LEPR: variants seen among roughly 807,000 people sequenced by gnomAD.
The protein encoded by LEPR is leptin receptor.
A neutral mutation model predicts 114.7 loss-of-function variants in LEPR; 56 were observed. The ratio of observed to expected loss-of-function variants is 0.49; its 90% CI spans 0.39 to 0.61. The LOEUF (loss-of-function observed/expected upper bound fraction) is 0.61, where lower values mean the gene tolerates loss of function less well. Ranked by LOEUF, LEPR falls within the 20% of genes least tolerant of loss-of-function variation. The pLI is 0.00. For synonymous variants in LEPR, 443 were observed against 461.4 expected (o/e 0.96, Z 0.51); for missense variants, 1,202 against 1,352.9 (o/e 0.89, Z 1.75).
intron 2 of LEPR, among the ~76,000 whole-genome samples, chr1:65,522,610 C>A (rs1649689944): frequency 6.6e-6 from 1 of 152,152 alleles, no homozygotes; most frequent in South Asian, 2.1e-4. Flanking sequence ...AGTGGCGTAT[C>A]AATATTCTCA....
intron 19 of LEPR, among the ~76,000 whole-genome samples, chr1:65,624,871 C>T (rs1324183857): frequency 1.3e-5 from 2 of 151,972 alleles, no homozygotes; most frequent in Non-Finnish European, 2.9e-5. Context: ...GAAAGAATGC[C>T]CTGTCTTCAG....
At chr1:65,447,384 G>C (rs533349166) in intron 2 of LEPR, among the ~76,000 whole-genome samples, 1 of 151,948 alleles carries the variant, frequency 6.6e-6, no homozygotes, top group Admixed American at 6.6e-5. Context: ...AACAGGGACT[G>C]TCTCTCCATT....
rs184293420 is a variant in LEPR, at chr1:65,627,800, A to G, written c.2673+4819A>G. Among the ~76,000 whole-genome samples the G allele has an allele frequency of 1.4e-3, 219 of 152,322 alleles. 1 individual carries two copies. The highest frequency in any genetic ancestry group is 4.8e-3 in the African/African-American group (201 of 41,588). On this transcript the variant is annotated intron_variant, in intron 19 of 19. Transcript: ENST00000349533. ...GCCTATTGTTTTTAAAAATAATTCA[A>G]ATACAAATATAGTATTTTTTAAAGG...
At chr1:65,564,128 A>G (rs1217749776) in intron 2 of LEPR, among the ~76,000 whole-genome samples, 12 of 146,250 alleles carry the variant, frequency 8.2e-5, no homozygotes, top group African/African-American at 3.0e-4. Flanking sequence ...AAGCCTGGGC[A>G]ATGGTGGGCG....
chr1:65,518,754 T>A (rs1321956009), intron 2 of LEPR, among the ~76,000 whole-genome samples: 4 of 152,206 alleles, frequency 2.6e-5, no homozygotes, highest in Non-Finnish European at 4.4e-5. Flanking sequence ...TTTCTATCAC[T>A]ATGTAACAAG....
intron 16 of LEPR, among the ~76,000 whole-genome samples, chr1:65,619,558 G>T (rs1291451948): frequency 6.6e-6 from 1 of 152,080 alleles, no homozygotes; most frequent in Non-Finnish European, 1.5e-5. Context: ...AAGGAGTATT[G>T]CCCACTTTGG....
chr1:65,525,534 G>C, intron 2 of LEPR: 1 of 750,136 alleles, frequency 1.3e-6, no homozygotes, highest in Non-Finnish European at 1.6e-6. Flanking sequence ...GCTCGAGTCC[G>C]CTCCTCCCGC....
At position 65,420,702 on chromosome 1, in the gene LEPR, G is replaced by A. The variant is rs769934654; in HGVS notation, c.-135G>A. The A allele has an allele frequency of 5.1e-6, 8 of 1,577,744 alleles. No individual in the cohort carries two copies. Among genetic ancestry groups the A allele is most frequent in the Non-Finnish European group, 6.9e-6 (8 of 1,164,064 alleles). On this transcript the variant is annotated 5_prime_UTR_variant, in exon 1 of 20. Transcript: ENST00000349533. The stretch of plus-strand genomic sequence containing the variant: ...GGGCCGTGGCAGGAAGCCGGAAGCA[G>A]CCGCGGCCCCAGTTCGGGAGACATG...
At chr1:65,492,444 T>C (rs1647922847) in intron 2 of LEPR, among the ~76,000 whole-genome samples, 2 of 152,114 alleles carry the variant, frequency 1.3e-5, no homozygotes, top group African/African-American at 4.8e-5. Context: ...TATTAGTAGG[T>C]GGGAATAACA....
intron 2 of LEPR, among the ~76,000 whole-genome samples, chr1:65,486,728 G>T (rs1647504505): frequency 6.6e-6 from 1 of 152,146 alleles, no homozygotes; most frequent in African/African-American, 2.4e-5. Flanking sequence ...ACTAGTTAAA[G>T]CCTCATGGAG....
At chr1:65,541,425 T>G (rs1651185436) in intron 2 of LEPR, among the ~76,000 whole-genome samples, 1 of 152,166 alleles carries the variant, frequency 6.6e-6, no homozygotes, top group Non-Finnish European at 1.5e-5. Context: ...AATTAATATG[T>G]GACAAGTTCA....
At chr1:65,521,133 T>C (rs1363822910) in intron 2 of LEPR, among the ~76,000 whole-genome samples, 8 of 152,276 alleles carry the variant, frequency 5.3e-5, no homozygotes, top group African/African-American at 1.7e-4. Flanking sequence ...TAACAGACGA[T>C]TCCGATGATT....
chr1:65,587,951 G>A (rs755187954), intron 5 of LEPR, among the ~76,000 whole-genome samples: 9 of 151,944 alleles, frequency 5.9e-5, no homozygotes, highest in Non-Finnish European at 1.3e-4. Flanking sequence ...GTTAATTACA[G>A]TGTTTTCCCT....
chr1:65,547,121 G>T (rs1651807502), intron 2 of LEPR, among the ~76,000 whole-genome samples: 1 of 151,640 alleles, frequency 6.6e-6, no homozygotes, highest in Non-Finnish European at 1.5e-5. Flanking sequence ...ATTGATTTGT[G>T]TATATTGAAC....
rs188408894 is a variant in LEPR at position 65,631,353 on chromosome 1, G to A, written c.2674-4838G>A. On this transcript the variant is annotated intron_variant, in intron 19 of 19. Transcript: ENST00000349533. ...TTCTCTTGTCTTCATGTGTTTTTAC[G>A]TGCCATTTCTTCACGCACTGTCTCC... is the stretch of plus-strand genomic sequence containing the variant. Among the ~76,000 whole-genome samples, 12 of 152,060 alleles carry A rather than the reference G, an allele frequency of 7.9e-5. 1 individual carries two copies. The South Asian group carries it at 8.3e-4, about 11-fold the overall frequency.
intron 2 of LEPR, among the ~76,000 whole-genome samples, chr1:65,464,499 G>A (rs1349555500): frequency 6.6e-6 from 1 of 152,064 alleles, no homozygotes; most frequent in Non-Finnish European, 1.5e-5. Context: ...TTTTTATTGT[G>A]TCTCTACCAG....
intron 3 of LEPR, among the ~76,000 whole-genome samples, chr1:65,566,243 G>A (rs528219136): frequency 8.8e-5 from 11 of 125,408 alleles, no homozygotes; most frequent in South Asian, 2.5e-4. Context: ...TTGCTCTGCC[G>A]CCAGACTGGA....
At chr1:65,448,970 T>A (rs572543926) in intron 2 of LEPR, among the ~76,000 whole-genome samples, 5 of 152,338 alleles carry the variant, frequency 3.3e-5, no homozygotes, top group African/African-American at 1.2e-4. Flanking sequence ...CTTGGCTCAC[T>A]GCAACCTCCA....
At chr1:65,518,715 C>T (rs1454748448) in intron 2 of LEPR, among the ~76,000 whole-genome samples, 1 of 152,204 alleles carries the variant, frequency 6.6e-6, no homozygotes, top group Non-Finnish European at 1.5e-5. Flanking sequence ...CTGCTTTCCA[C>T]ATAACTGCAG....
Sources: gnomAD v4.1 joint callset for allele counts (sites outside exome capture counted in the v4.1 genomes callset) on GRCh38, gnomAD v4.1.1 for gene constraint, MANE v1.5 for transcripts, NCBI Gene and HGNC (gene_info 2026-07-23, HGNC 2026-07-21) for gene names.